FSTL4: variants seen among roughly 807,000 people sequenced by gnomAD.
The protein encoded by FSTL4 is follistatin-related protein 4.
In FSTL4, 28 loss-of-function variants were observed where a neutral mutation model predicts 78.2. That is an observed-to-expected ratio of 0.36 (90% CI 0.27 to 0.49). The LOEUF (loss-of-function observed/expected upper bound fraction) is 0.49, where lower values mean the gene tolerates loss of function less well. Among genes scored for constraint, FSTL4 ranks in the 20% least tolerant of loss-of-function variants. The pLI is 0.98. For synonymous variants in FSTL4, 422 were observed against 440.5 expected (o/e 0.96, Z 0.53); for missense variants, 922 against 1,084.9 (o/e 0.85, Z 2.11).
intron 3 of FSTL4, among the ~76,000 whole-genome samples, chr5:133,488,892 G>A (rs2112865984): frequency 6.6e-6 from 1 of 152,212 alleles, no homozygotes; most frequent in African/African-American, 2.4e-5. Flanking sequence ...CTGGCATCTG[G>A]AGACTGCCCG....
chr5:133,279,129 C>T (rs1355870121), intron 6 of FSTL4, among the ~76,000 whole-genome samples: 1 of 152,226 alleles, frequency 6.6e-6, no homozygotes, highest in Non-Finnish European at 1.5e-5. Context: ...TGTGTGTTCT[C>T]TGTACTCCTA....
intron 6 of FSTL4, among the ~76,000 whole-genome samples, chr5:133,309,125 T>G (rs1753719282): frequency 6.6e-6 from 1 of 152,144 alleles, no homozygotes; most frequent in South Asian, 2.1e-4. Context: ...ACTTTGAGGT[T>G]AATTTACTGT....
chr5:133,768,203 G>T, the FSTL4 span, among the ~76,000 whole-genome samples: 8 of 152,188 alleles, frequency 5.3e-5, no homozygotes, highest in Non-Finnish European at 1.0e-4. Context: ...ATGGAGCAGG[G>T]AGTGTACCCG....
At chr5:133,750,637 C>T in the FSTL4 span, among the ~76,000 whole-genome samples, 1 of 152,164 alleles carries the variant, frequency 6.6e-6, no homozygotes, top group Non-Finnish European at 1.5e-5. Flanking sequence ...GAGAAGCCCA[C>T]CTCCAGGGGC....
the FSTL4 span, among the ~76,000 whole-genome samples, chr5:133,781,110 C>T: frequency 2.0e-5 from 3 of 152,180 alleles, no homozygotes; most frequent in Non-Finnish European, 2.9e-5. Context: ...TGGCCCTCTG[C>T]ATTGGTCCCT....
chr5:133,257,262 G>A (rs1752402829), intron 6 of FSTL4, among the ~76,000 whole-genome samples: 1 of 152,160 alleles, frequency 6.6e-6, no homozygotes, highest in South Asian at 2.1e-4. Context: ...TGGGGAGGGA[G>A]AGCAGAGGCC....
chr5:133,757,676 G>C, the FSTL4 span, among the ~76,000 whole-genome samples: 1 of 152,204 alleles, frequency 6.6e-6, no homozygotes, highest in Non-Finnish European at 1.5e-5. Flanking sequence ...GGAGTGAGTA[G>C]AAGGAGCTGG....
At chr5:133,390,830 A>G (rs1755831030) in intron 4 of FSTL4, among the ~76,000 whole-genome samples, 1 of 152,082 alleles carries the variant, frequency 6.6e-6, no homozygotes, top group African/African-American at 2.4e-5. Context: ...CTCTTTGGAG[A>G]AGATGGCCCA....
chr5:133,211,959 T>G (rs575340010), intron 13 of FSTL4, among the ~76,000 whole-genome samples: 1 of 152,042 alleles, frequency 6.6e-6, no homozygotes, highest in South Asian at 2.1e-4. Flanking sequence ...TTTACTCTCT[T>G]GCTTTAATTA....
chr5:133,356,251 A>G (rs1448108481), intron 4 of FSTL4, among the ~76,000 whole-genome samples: 1 of 152,206 alleles, frequency 6.6e-6, no homozygotes, highest in East Asian at 1.9e-4. Context: ...TGGGGACACC[A>G]CTGTCATCAC....
At chr5:133,650,616 T>G in the FSTL4 span, among the ~76,000 whole-genome samples, 1 of 152,198 alleles carries the variant, frequency 6.6e-6, no homozygotes, top group Admixed American at 6.5e-5. Context: ...GTCTATTTCT[T>G]GGCTCTTCAT....
At chr5:133,382,140 C>A (rs1413977928) in intron 4 of FSTL4, among the ~76,000 whole-genome samples, 1 of 152,216 alleles carries the variant, frequency 6.6e-6, no homozygotes, top group African/African-American at 2.4e-5. Context: ...GAGAGACACC[C>A]TCTCACGGAG....
rs957912085 is a variant in FSTL4 at position 133,338,162 on chromosome 5, G to A, written c.410-21510C>T. Reference sequence around the variant, plus strand: ...TGTCTGATTGGCAGGTGTAAATGTCGATTGAGTCATGTTTCTAGATGACTC... The same window carrying A: ...TGTCTGATTGGCAGGTGTAAATGTCAATTGAGTCATGTTTCTAGATGACTC... On this transcript the variant is annotated intron_variant, in intron 4 of 15. Transcript: ENST00000265342. The surrounding 1 kb of genome is among the most constrained non-coding windows in gnomAD (Gnocchi z 4.0). 2.0e-5 allele frequency among the ~76,000 whole-genome samples: 3 copies of A among 152,136 alleles called. No individual in the cohort carries two copies. The highest frequency in any genetic ancestry group is 2.4e-5 in the African/African-American group (1 of 41,416).
intron 3 of FSTL4, among the ~76,000 whole-genome samples, chr5:133,507,504 A>C (rs1384296236): frequency 6.6e-6 from 1 of 151,166 alleles, no homozygotes; most frequent in Non-Finnish European, 1.5e-5. Flanking sequence ...ACAGATTCAA[A>C]CAACGGAGAC....
intron 4 of FSTL4, among the ~76,000 whole-genome samples, chr5:133,342,079 G>C (rs1754594649): frequency 6.6e-6 from 1 of 152,192 alleles, no homozygotes; most frequent in East Asian, 1.9e-4. Flanking sequence ...CCCAGGAATG[G>C]ACAGGGAATC....
At chr5:133,840,755 C>T in the FSTL4 span, among the ~76,000 whole-genome samples, 4 of 152,330 alleles carry the variant, frequency 2.6e-5, no homozygotes, top group South Asian at 2.1e-4. Context: ...GGCAAGCACC[C>T]GTACTCCAAA....
At chr5:133,812,754 C>T in the FSTL4 span, among the ~76,000 whole-genome samples, 1 of 152,236 alleles carries the variant, frequency 6.6e-6, no homozygotes, top group Non-Finnish European at 1.5e-5. Context: ...GCCTCCACTA[C>T]AGAATGTAAG....
chr5:133,727,629 C>A, the FSTL4 span, among the ~76,000 whole-genome samples: 1 of 152,184 alleles, frequency 6.6e-6, no homozygotes, highest in South Asian at 2.1e-4. Context: ...GAAGGCCCAG[C>A]CAACATCTTA....
In FSTL4 at chr5:133,612,012, C is replaced by CGG. The variant is rs1251733751; in HGVS notation, c.-11+312_-11+313insCC. Among the ~76,000 whole-genome samples, 1 of 152,058 alleles carries CGG rather than the reference C, an allele frequency of 6.6e-6. No individual in the cohort carries two copies. Among genetic ancestry groups the CGG allele is most frequent in the Non-Finnish European group, 1.5e-5 (1 of 67,950 alleles). On this transcript the variant is annotated intron_variant, in intron 1 of 15. Coordinates refer to ENST00000265342, the MANE Select transcript of FSTL4 (RefSeq NM_015082.2). This position sits in a 1 kb window ranked among gnomAD's most constrained non-coding sequence, Gnocchi z 6.2. Reference sequence around the variant, plus strand: ...GGCCCGAGCGCTTCTGCGTGGCGCCCCGCGTGCCAACCGGGTCACTCCGGT... The same window carrying CGG: ...GGCCCGAGCGCTTCTGCGTGGCGCCCGGCGCGTGCCAACCGGGTCACTCCGGT...
Sources: gnomAD v4.1 joint callset for allele counts (sites outside exome capture counted in the v4.1 genomes callset) on GRCh38, gnomAD v4.1.1 for gene constraint, Gnocchi (gnomAD v3.1) non-coding constraint, MANE v1.5 for transcripts, NCBI Gene and HGNC (gene_info 2026-07-23, HGNC 2026-07-21) for gene names.